The following RPS10 variants were observed in gnomAD, a reference collection of about 807,000 sequenced individuals.
The protein encoded by RPS10 is small ribosomal subunit protein eS10.
RPS10 carries 2 observed loss-of-function variants against 22.6 expected under a neutral mutation model. The ratio of observed to expected loss-of-function variants is 0.09; its 90% CI spans 0.04 to 0.28. The LOEUF (loss-of-function observed/expected upper bound fraction) is 0.28. Ranked by LOEUF, RPS10 falls within the 10% of genes least tolerant of loss-of-function variation. The pLI is 1.00. For missense variants in RPS10, 137 were observed against 222.2 expected, an observed-to-expected ratio of 0.62 and a Z score of 2.44; for synonymous variants, 70 against 75.9, an observed-to-expected ratio of 0.92 and a Z score of 0.40.
At chr6:34,423,308 T>C (rs528891874) in intron 3 of RPS10, among the ~76,000 whole-genome samples, 163 of 152,228 alleles carry the variant, frequency 1.1e-3, no homozygotes, top group African/African-American at 3.3e-3. Flanking sequence ...GGCTAATTTA[T>C]TTTTTTGTAG....
intron 3 of RPS10, chr6:34,424,140 T>TAAAAA (rs71538239): frequency 0.56 from 27,372 of 48,896 alleles, 11,094 homozygotes; most frequent in South Asian, 0.63. Flanking sequence ...AAGACTCCGT[T>TAAAAA]AAAAAAAAAA....
chr6:34,424,946 G>A lies in RPS10; in HGVS notation c.151-106C>T, dbSNP rs1765903178. On this transcript the variant is annotated intron_variant, in intron 2 of 5. Transcript: ENST00000648437. The stretch of plus-strand genomic sequence containing the variant: ...TTCAAGTTAGCAAGCAGCCCCCGCA[G>A]TCCTGACCTCCCTTTTTGAACTTGC... 1.9e-6 allele frequency: 3 copies of A among 1,606,818 alleles called. No individual in the cohort carries two copies. The East Asian group carries it at 6.7e-5, about 36-fold the overall frequency.
intron 4 of RPS10, among the ~76,000 whole-genome samples, chr6:34,420,488 G>A (rs1765724567): frequency 1.3e-5 from 2 of 152,076 alleles, no homozygotes; most frequent in African/African-American, 4.8e-5. Flanking sequence ...AAAGTGCTGG[G>A]ATTACAGGCA....
intron 3 of RPS10, among the ~76,000 whole-genome samples, chr6:34,422,937 C>T (rs575880755): frequency 2.6e-5 from 4 of 151,900 alleles, no homozygotes; most frequent in East Asian, 2.0e-4. Flanking sequence ...AAAAATTAGC[C>T]GGGTGTGGTG....
Position 34,424,828 on chromosome 6 carries a change from G to C in RPS10, c.163C>G (p.Arg55Gly). The stretch of plus-strand genomic sequence containing the variant: ...GCAAACTGTTCCTTCACGTAGCCTC[G>C]GGACTTGAGAGACTGTAAGGCAGAA... Reference protein sequence around the residue: ...VMKAMQSLKSRGYVKEQFAWR... With the variant: ...VMKAMQSLKSGGYVKEQFAWR... The change falls in exon 3 of 6, where the codon CGA becomes GGA. Residue 55 changes from arginine (R) to glycine (G), a missense_variant. Physicochemically the swap from Arg to Gly is moderately radical, Grantham distance 125. Transcript: ENST00000648437. The C allele has an allele frequency of 1.2e-6, 2 of 1,613,874 alleles. No individual in the cohort carries two copies. The highest frequency in any genetic ancestry group is 1.7e-6 in the Non-Finnish European group (2 of 1,180,008).
At position 34,422,338 on chromosome 6, in the gene RPS10, G is replaced by A. The variant is rs144504689; in HGVS notation, c.323-531C>T. On this transcript the variant is annotated intron_variant, in intron 3 of 5. Coordinates refer to ENST00000648437, the MANE Select transcript of RPS10 (RefSeq NM_001014.5). The stretch of plus-strand genomic sequence containing the variant: ...ATTATTTATTATCTTTTTGTGAGAC[G>A]GAGTCTCACTCTGTCACCCAGGTTG... Among the ~76,000 whole-genome samples the A allele has an allele frequency of 4.3e-3, 651 of 152,146 alleles. 2 individuals carry two copies. The highest frequency in any genetic ancestry group is 0.024 in the Middle Eastern group (7 of 294).
In RPS10 at chr6:34,424,857, T is replaced by A; in HGVS notation, c.151-17A>T. The A allele has an allele frequency of 1.9e-6, 3 of 1,613,716 alleles. No homozygotes were observed. The highest frequency in any genetic ancestry group is 2.5e-6 in the Non-Finnish European group (3 of 1,180,004). On this transcript the variant is annotated splice_polypyrimidine_tract_variant and intron_variant, in intron 2 of 5. Transcript: ENST00000648437. ...CTTGAGAGACTGTAAGGCAGAAAAC[T>A]ACTGTTAAGGCGTTAAGTAGAAGCT...
intron 5 of RPS10, chr6:34,418,084 C>T: frequency 8.4e-7 from 1 of 1,184,914 alleles, no homozygotes; most frequent in Non-Finnish European, 1.2e-6. Flanking sequence ...GGTTCTTAAG[C>T]CCACCCACCT....
chr6:34,419,509 C>T (rs1765690439), intron 4 of RPS10, among the ~76,000 whole-genome samples: 1 of 152,118 alleles, frequency 6.6e-6, no homozygotes, highest in South Asian at 2.1e-4. Flanking sequence ...TTTCACTACT[C>T]TTTATACTGA....
intron 4 of RPS10, among the ~76,000 whole-genome samples, chr6:34,419,582 ATTT>A: frequency 6.8e-6 from 1 of 147,406 alleles, no homozygotes; most frequent in African/African-American, 2.5e-5. Context: ...TTATTTACTT[ATTT>A]TTTTTTTTTG....
At chr6:34,426,007 G>A (rs1765951431) in intron 1 of RPS10, 25 bp downstream of exon 1, 2 of 152,586 alleles carry the variant, frequency 1.3e-5, no homozygotes, top group South Asian at 4.1e-4. Context: ...GGAGCCGATG[G>A]AACTCGAACG....
Position 34,424,654 on chromosome 6 carries a change from G to C in RPS10, c.322+15C>G, listed in dbSNP as rs770954930. 14 of 1,613,928 alleles carry C rather than the reference G, an allele frequency of 8.7e-6. 1 individual carries two copies. The South Asian group carries it at 1.5e-4, about 18-fold the overall frequency. On this transcript the variant is annotated intron_variant, in intron 3 of 5. Transcript: ENST00000648437. ...TATCTTCAAATAGCTGAAGGGATTT[G>C]TGTGGGAACCATACCTTTAGGCCGA...
intron 5 of RPS10, chr6:34,418,145 G>T: frequency 6.9e-7 from 1 of 1,459,812 alleles, no homozygotes; most frequent in African/African-American, 1.4e-5. Context: ...AATACTAGTA[G>T]GCCACATGTA....
At chr6:34,419,902 G>A (rs1485243726) in intron 4 of RPS10, among the ~76,000 whole-genome samples, 2 of 151,928 alleles carry the variant, frequency 1.3e-5, no homozygotes, top group Non-Finnish European at 2.9e-5. Context: ...TTGGTGCGGG[G>A]GGCAGGGTCT....
intron 3 of RPS10, 113 bp downstream of exon 3, chr6:34,424,555 CA>C (rs1191085334): frequency 7.0e-7 from 1 of 1,432,112 alleles, no homozygotes; most frequent in African/African-American, 1.4e-5. Context: ...AGCACTTGAC[CA>C]AATGCCTGCA....
intron 4 of RPS10, among the ~76,000 whole-genome samples, chr6:34,420,710 C>T (rs536348291): frequency 1.3e-5 from 2 of 152,104 alleles, no homozygotes; most frequent in South Asian, 2.1e-4. Flanking sequence ...CAATCAACAA[C>T]GAGTGACTTT....
At chr6:34,421,853 T>A (rs1317964646) in intron 3 of RPS10, 46 bp from the exon 4 acceptor site, 1 of 1,611,150 alleles carries the variant, frequency 6.2e-7, no homozygotes, top group Admixed American at 1.7e-5. Context: ...ATGTGAGAAC[T>A]CTGTCCCTTA....
intron 5 of RPS10, chr6:34,418,069 A>G: frequency 1.1e-6 from 1 of 941,640 alleles, no homozygotes; most frequent in Non-Finnish European, 1.6e-6. Context: ...ATTTCATACC[A>G]TCTTGGTTCT....
At chr6:34,420,026 G>A (rs901697951) in intron 4 of RPS10, among the ~76,000 whole-genome samples, 14 of 152,056 alleles carry the variant, frequency 9.2e-5, no homozygotes, top group African/African-American at 3.1e-4. Context: ...GGGACTATAG[G>A]CACATACCAC....
Sources: gnomAD v4.1 joint callset for allele counts (sites outside exome capture counted in the v4.1 genomes callset) on GRCh38, gnomAD v4.1.1 for gene constraint, MANE v1.5 for transcripts, NCBI Gene and HGNC (gene_info 2026-07-23, HGNC 2026-07-21) for gene names.